MYO10: variants seen among roughly 807,000 people sequenced by gnomAD.
MYO10 encodes the protein unconventional myosin-X.
Under a neutral mutation model 257.3 loss-of-function variants are expected in MYO10, and 133 were observed. The observed-to-expected ratio is 0.52, with a 90% CI of 0.45 to 0.60. The LOEUF is 0.60. Among genes scored for constraint, MYO10 ranks in the 20% least tolerant of loss-of-function variants. The pLI is 0.00. For missense variants in MYO10, 2,399 were observed against 2,635.7 expected, an observed-to-expected ratio of 0.91 and a Z score of 1.97; for synonymous variants, 1,104 against 1,028.6, an observed-to-expected ratio of 1.07 and a Z score of -1.40.
chr5:16,778,894 G>T (rs574921161), intron 9 of MYO10, among the ~76,000 whole-genome samples: 275 of 152,126 alleles, frequency 1.8e-3, no homozygotes, highest in Non-Finnish European at 2.8e-3. Context: ...GTTTCACCGT[G>T]TTAGCCAGGA....
At chr5:16,917,456 AGTC>A (rs1745853682) in intron 1 of MYO10, among the ~76,000 whole-genome samples, 1 of 152,158 alleles carries the variant, frequency 6.6e-6, no homozygotes, top group Non-Finnish European at 1.5e-5. Context: ...AGACACCAGT[AGTC>A]ACCTCCCATC....
At chr5:16,789,588 G>T (rs1164549011) in intron 4 of MYO10, among the ~76,000 whole-genome samples, 2 of 152,124 alleles carry the variant, frequency 1.3e-5, no homozygotes, top group Non-Finnish European at 2.9e-5. Flanking sequence ...AGGAGTTGGA[G>T]ACCAGCCTGA....
intron 2 of MYO10, among the ~76,000 whole-genome samples, chr5:16,835,492 G>GTTTTTTTTTTTTTT (rs1554001242): frequency 2.5e-5 from 2 of 81,060 alleles, no homozygotes; most frequent in African/African-American, 4.7e-5. Context: ...ATTTTTGGCT[G>GTTTTTTTTTTTTTT]TTTTTTTTTT....
chr5:16,706,972 C>T (rs922810039), intron 21 of MYO10, among the ~76,000 whole-genome samples: 2 of 152,090 alleles, frequency 1.3e-5, no homozygotes, highest in Non-Finnish European at 2.9e-5. Flanking sequence ...AATTGTAGCT[C>T]CCATAATTCC....
intron 1 of MYO10, among the ~76,000 whole-genome samples, chr5:16,905,586 G>C (rs1432563308): frequency 6.6e-6 from 1 of 152,076 alleles, no homozygotes; most frequent in Non-Finnish European, 1.5e-5. Flanking sequence ...GACCTCCACT[G>C]ACCGATGAGT....
At position 16,666,809 on chromosome 5, in the gene MYO10, C is replaced by G. The variant is rs779050631; in HGVS notation, c.6076-16G>C. 3 of 1,576,976 alleles carry G rather than the reference C, an allele frequency of 1.9e-6. No homozygotes were observed. The highest frequency in any genetic ancestry group is 1.2e-5 in the South Asian group (1 of 86,884). On this transcript the variant is annotated splice_polypyrimidine_tract_variant and intron_variant, in intron 40 of 40. Transcript: ENST00000513610. ...CATCCACCACCTGCCCAGGGGGAAG[C>G]AGAACCGACACAGCGTCACAAGTCT...
intron 21 of MYO10, among the ~76,000 whole-genome samples, chr5:16,708,561 G>T (rs1370537694): frequency 6.6e-6 from 1 of 152,168 alleles, no homozygotes; most frequent in African/African-American, 2.4e-5. Flanking sequence ...TATAGAGAAT[G>T]CAATTTCTTT....
intron 34 of MYO10, 51 bp from the exon 35 acceptor site, chr5:16,675,201 G>C: frequency 6.3e-7 from 1 of 1,585,310 alleles, no homozygotes; most frequent in Non-Finnish European, 8.6e-7. Flanking sequence ...TCAGAATAGG[G>C]CATGAGCATA....
chr5:16,818,427 C>CATAT (rs1161215442), intron 2 of MYO10, among the ~76,000 whole-genome samples: 1 of 139,056 alleles, frequency 7.2e-6, no homozygotes, highest in Non-Finnish European at 1.5e-5. Flanking sequence ...TATATATATA[C>CATAT]ACATATCTTT....
At chr5:16,760,385 T>C (rs1393127260) in intron 17 of MYO10, among the ~76,000 whole-genome samples, 2 of 145,932 alleles carry the variant, frequency 1.4e-5, no homozygotes, top group South Asian at 4.3e-4. Context: ...GGCGTGAACC[T>C]GGGAGGTGGA....
Position 16,761,450 on chromosome 5 carries a change from G to A in MYO10, c.1739+14C>T. ...TTGCTTGCTAAGTACTTCTCGGTGAGAAGACTGACATACCGGCTTTCTCTT... is the reference window on the plus strand; with the variant it reads ...TTGCTTGCTAAGTACTTCTCGGTGAAAAGACTGACATACCGGCTTTCTCTT... On this transcript the variant is annotated intron_variant, in intron 17 of 40. Transcript: ENST00000513610. 1 of 1,597,214 alleles carries A rather than the reference G, an allele frequency of 6.3e-7. No individual in the cohort carries two copies. Among genetic ancestry groups the A allele is most frequent in the Non-Finnish European group, 8.6e-7 (1 of 1,165,712 alleles).
chr5:16,701,937 T>TG lies in MYO10; in HGVS notation c.2557-100dup. On this transcript the variant is annotated intron_variant, in intron 24 of 40. Transcript: ENST00000513610. This position sits in a 1 kb window ranked among gnomAD's most constrained non-coding sequence, Gnocchi z 8.1. ...AGGATGAAATATGGTCATTATGAGT[T>TG]GGACTGTGTCCCCATAAAGTCTATA... 7.3e-7 allele frequency: 1 copy of TG among 1,369,672 alleles called. No homozygotes were observed. 84.8% of individuals were successfully genotyped at this position (1,369,672 alleles called of 1,614,324 possible).
chr5:16,671,339 C>T (rs1279155830), intron 38 of MYO10, 83 bp downstream of exon 38: 10 of 1,498,300 alleles, frequency 6.7e-6, no homozygotes, highest in Non-Finnish European at 9.1e-6. Flanking sequence ...TTTCTAAGTA[C>T]CAGTTAACTT....
At chr5:16,787,336 ATATAAT>A (rs1299340330) in intron 4 of MYO10, among the ~76,000 whole-genome samples, 1 of 152,188 alleles carries the variant, frequency 6.6e-6, no homozygotes, top group African/African-American at 2.4e-5. Flanking sequence ...CAAAGAAGAA[ATATAAT>A]TAAATAACTC....
intron 37 of MYO10, among the ~76,000 whole-genome samples, chr5:16,672,401 A>T (rs2126467924): frequency 6.9e-6 from 1 of 144,850 alleles, no homozygotes; most frequent in South Asian, 2.3e-4. Context: ...GCTAATGACA[A>T]CTGGAAACCT....
At chr5:16,751,217 G>A (rs1201075656) in intron 19 of MYO10, among the ~76,000 whole-genome samples, 1 of 151,990 alleles carries the variant, frequency 6.6e-6, no homozygotes, top group African/African-American at 2.4e-5. Context: ...AAGAAGGCAA[G>A]ATTTTTCCTG....
At chr5:16,693,934 A>G (rs1270066346) in intron 27 of MYO10, among the ~76,000 whole-genome samples, 1 of 152,190 alleles carries the variant, frequency 6.6e-6, no homozygotes, top group South Asian at 2.1e-4. Context: ...CTGGTATAAC[A>G]GAAGAGAAGT....
chr5:16,741,916 G>T, intron 19 of MYO10: 1 of 985,358 alleles, frequency 1.0e-6, no homozygotes, highest in Non-Finnish European at 1.2e-6. Context: ...TTCTTCGGCT[G>T]GCTGGTGTTC....
rs924751389 is a variant in MYO10 at position 16,675,148 on chromosome 5, G to A, written c.4669C>T (p.Leu1557Phe). 1 of 1,613,110 alleles carries A rather than the reference G, an allele frequency of 6.2e-7. No individual in the cohort carries two copies. Among genetic ancestry groups the A allele is most frequent in the Non-Finnish European group, 8.5e-7 (1 of 1,179,866 alleles). Residue 1557 changes from leucine to phenylalanine, a missense_variant and splice_region_variant, in exon 35 of 41, where the codon CTC (leucine) becomes TTC (phenylalanine). Physicochemically the swap from Leu to Phe is conservative, Grantham distance 22 (BLOSUM62 0). This residue lies in a region of MYO10 where 1,820 missense variants were observed against 1,939.4 expected (regional missense o/e 0.94). Transcript: ENST00000513610. ...LPYGDINLNL[L>F]KDKGYTTLQD... ...AGGGTGGTATAGCCTTTGTCTTTGAGCACTAGGACAAGCAAAACAAACACG... is the reference window on the plus strand; with the variant it reads ...AGGGTGGTATAGCCTTTGTCTTTGAACACTAGGACAAGCAAAACAAACACG...
Sources: gnomAD v4.1 joint callset for allele counts (sites outside exome capture counted in the v4.1 genomes callset) on GRCh38, gnomAD v4.1.1 for gene constraint, gnomAD v4.1.1 regional missense constraint, Gnocchi (gnomAD v3.1) non-coding constraint, MANE v1.5 for transcripts, NCBI Gene and HGNC (gene_info 2026-07-23, HGNC 2026-07-21) for gene names.